Variants in ARHGAP8 observed in about 807,000 individuals in gnomAD.
ARHGAP8 encodes the protein rho GTPase-activating protein 8.
ARHGAP8 carries 62 observed loss-of-function variants against 46.1 expected under a neutral mutation model. The observed-to-expected ratio is 1.34, with a 90% CI of 1.10 to 1.66. The LOEUF (loss-of-function observed/expected upper bound fraction) is 1.66. ARHGAP8 is among the 40% of genes most tolerant of loss of function. The pLI is 0.00. For synonymous variants in ARHGAP8, 375 were observed against 243.1 expected, an observed-to-expected ratio of 1.54 and a Z score of -5.05; for missense variants, 923 against 568.4, an observed-to-expected ratio of 1.62 and a Z score of -6.34.
At chr22:44,798,499 G>A (rs1221956188) in intron 2 of ARHGAP8, among the ~76,000 whole-genome samples, 1 of 150,314 alleles carries the variant, frequency 6.7e-6, no homozygotes, top group Admixed American at 6.7e-5. Flanking sequence ...TGTTTCCAGT[G>A]TCACATTCTG....
intron 2 of ARHGAP8, among the ~76,000 whole-genome samples, chr22:44,787,317 G>A (rs988199679): frequency 6.8e-5 from 9 of 132,700 alleles, no homozygotes; most frequent in Non-Finnish European, 8.0e-5. Context: ...AACATCTTGC[G>A]TTGCTTTGTT....
intron 5 of ARHGAP8, 107 bp from the exon 6 acceptor site, chr22:44,822,264 A>G: frequency 1.1e-6 from 1 of 897,374 alleles, no homozygotes; most frequent in Non-Finnish European, 1.7e-6. Context: ...TCTTAATATG[A>G]AAAATGCCTG....
At chr22:44,789,648 G>GCCA (rs1180494459) in intron 2 of ARHGAP8, among the ~76,000 whole-genome samples, 1 of 151,842 alleles carries the variant, frequency 6.6e-6, no homozygotes, top group Non-Finnish European at 1.5e-5. Flanking sequence ...ACAGGCACAG[G>GCCA]CCACCACGCC....
At chr22:44,857,395 G>A (rs2070258169) in intron 10 of ARHGAP8, among the ~76,000 whole-genome samples, 1 of 152,118 alleles carries the variant, frequency 6.6e-6, no homozygotes, top group Non-Finnish European at 1.5e-5. Flanking sequence ...CCCATCTTAG[G>A]TTCCTTGGTG....
chr22:44,855,288 C>G (rs538754686), intron 10 of ARHGAP8, among the ~76,000 whole-genome samples: 2 of 152,188 alleles, frequency 1.3e-5, no homozygotes, highest in African/African-American at 2.4e-5. Flanking sequence ...CCCACCTCAG[C>G]CTCCCAAGTA....
chr22:44,775,453 CTT>C (rs132478), intron 1 of ARHGAP8, among the ~76,000 whole-genome samples: 7 of 149,424 alleles, frequency 4.7e-5, no homozygotes, highest in Admixed American at 6.7e-5. Flanking sequence ...AATTCTTTCT[CTT>C]TTTTTTTTTG....
chr22:44,762,940 A>T (rs745705773), intron 1 of ARHGAP8, among the ~76,000 whole-genome samples: 2 of 152,154 alleles, frequency 1.3e-5, no homozygotes, highest in Non-Finnish European at 2.9e-5. Flanking sequence ...TCCCAGAGGA[A>T]CCAGCCATGA....
intron 5 of ARHGAP8, among the ~76,000 whole-genome samples, chr22:44,821,164 GC>G (rs1321687401): frequency 3.9e-5 from 6 of 152,172 alleles, no homozygotes; most frequent in Non-Finnish European, 7.3e-5. Flanking sequence ...AGGCACGGTG[GC>G]TCATGCCTGT....
At chr22:44,860,710 C>T (rs1036804798) in intron 11 of ARHGAP8, among the ~76,000 whole-genome samples, 4 of 152,120 alleles carry the variant, frequency 2.6e-5, no homozygotes. Context: ...TTAGTGTGCT[C>T]TCCCCCTGGG....
At chr22:44,764,444 C>T (rs566109551) in intron 1 of ARHGAP8, among the ~76,000 whole-genome samples, 6 of 152,304 alleles carry the variant, frequency 3.9e-5, no homozygotes, top group South Asian at 2.1e-4. Context: ...AGGAAAGGGT[C>T]GGCTGCGGTG....
intron 2 of ARHGAP8, chr22:44,801,688 A>G (rs1005820620): frequency 2.6e-5 from 6 of 231,014 alleles, no homozygotes; most frequent in East Asian, 2.3e-4. Flanking sequence ...GGCCTCCACC[A>G]TGGCCCAGAA....
intron 2 of ARHGAP8, 133 bp from the exon 3 acceptor site, chr22:44,801,944 C>A: frequency 1.1e-6 from 1 of 948,676 alleles, no homozygotes; most frequent in Non-Finnish European, 1.6e-6. Flanking sequence ...CAGCAGGTGT[C>A]GCCTCCGAGG....
intron 7 of ARHGAP8, among the ~76,000 whole-genome samples, chr22:44,827,350 T>TTTG (rs1365114633): frequency 7.7e-6 from 1 of 130,010 alleles, no homozygotes; most frequent in Non-Finnish European, 1.6e-5. Flanking sequence ...TTTTTTTTTT[T>TTTG]TTTTTTTTTT....
At chr22:44,801,947 C>T (rs1180237456) in intron 2 of ARHGAP8, 130 bp from the exon 3 acceptor site, 2 of 1,027,680 alleles carry the variant, frequency 1.9e-6, no homozygotes, top group Non-Finnish European at 1.5e-6. Context: ...CAGGTGTCGC[C>T]TCCGAGGAAC....
rs574336842 is a variant in ARHGAP8, at chr22:44,779,180, A to G, written c.-71-7277A>G. On this transcript the variant is annotated intron_variant, in intron 1 of 11. Coordinates refer to ENST00000356099, the MANE Select transcript of ARHGAP8 (RefSeq NM_181335.3). Reference sequence around the variant, plus strand: ...AGTGGCGCGATCTTGGCTCACTGCAACCTCCGCCTCTTGGGTTCAAGCGAT... The same window carrying G: ...AGTGGCGCGATCTTGGCTCACTGCAGCCTCCGCCTCTTGGGTTCAAGCGAT... Among the ~76,000 whole-genome samples the G allele has an allele frequency of 1.2e-3, 177 of 150,008 alleles. 1 individual carries two copies. The highest frequency in any genetic ancestry group is 4.2e-3 in the African/African-American group (173 of 40,980).
intron 2 of ARHGAP8, 150 bp from the exon 3 acceptor site, chr22:44,801,927 G>A: frequency 1.3e-6 from 1 of 749,464 alleles, no homozygotes; most frequent in East Asian, 2.6e-5. Context: ...GGTGATGGAT[G>A]CTCACTCAGC....
At chr22:44,813,696 T>TATGTAGGTACACCTACACAC (rs1001545509) in intron 4 of ARHGAP8, among the ~76,000 whole-genome samples, 4 of 150,482 alleles carry the variant, frequency 2.7e-5, no homozygotes, top group Admixed American at 6.6e-5. Flanking sequence ...TACCTACACA[T>TATGTAGGTACACCTACACAC]ATGTAGGTAC....
intron 11 of ARHGAP8, among the ~76,000 whole-genome samples, 196 bp downstream of exon 11, chr22:44,860,030 G>T (rs931694018): frequency 2.6e-5 from 4 of 151,924 alleles, no homozygotes; most frequent in African/African-American, 9.7e-5. Context: ...CCTCCTGCCT[G>T]TCAGACAGGG....
At chr22:44,824,088 G>C (rs136664) in intron 6 of ARHGAP8, among the ~76,000 whole-genome samples, 94,138 of 152,028 alleles carry the variant, frequency 0.62, 30,022 homozygotes, top group Non-Finnish European at 0.68. Flanking sequence ...CATACTTCCT[G>C]GTGGGTGCTG....
Sources: allele counts gnomAD v4.1 joint callset (sites outside exome capture counted in the v4.1 genomes callset), GRCh38; gene constraint gnomAD v4.1.1; transcripts MANE v1.5; gene names NCBI Gene and HGNC (gene_info 2026-07-23, HGNC 2026-07-21).